The following USP54 variants were observed in gnomAD, a reference collection of about 807,000 sequenced individuals.
USP54 encodes the protein ubiquitin specific peptidase 54.
USP54 carries 87 observed loss-of-function variants against 170.5 expected under a neutral mutation model. That is an observed-to-expected ratio of 0.51 (90% confidence interval 0.43 to 0.61). The LOEUF is 0.61. Ranked by LOEUF, USP54 falls within the 20% of genes least tolerant of loss-of-function variation. USP54 has a pLI of 0.00. For synonymous variants in USP54, 655 were observed against 742.8 expected (o/e 0.88, Z 1.92); for missense variants, 1,786 against 2,047.8 (o/e 0.87, Z 2.47).
At chr10:73,612,143 A>G (rs1339804532) in intron 1 of USP54, among the ~76,000 whole-genome samples, 2 of 152,140 alleles carry the variant, frequency 1.3e-5, no homozygotes, top group Admixed American at 6.6e-5. Context: ...CAGAAAACCT[A>G]ATTTATCCTA....
intron 9 of USP54, among the ~76,000 whole-genome samples, chr10:73,539,873 T>C (rs7095604): frequency 0.98 from 149,533 of 152,260 alleles, 73,439 homozygotes; most frequent in East Asian, 1. Context: ...CGCCTGTAAT[T>C]CCTACACTTT....
intron 5 of USP54, 75 bp downstream of exon 5, chr10:73,545,463 T>C: frequency 6.4e-7 from 1 of 1,565,924 alleles, no homozygotes; most frequent in South Asian, 1.2e-5. Flanking sequence ...AATTCCACCA[T>C]AAAGTAGCCA....
At chr10:73,539,885 G>A (rs2066210401) in intron 9 of USP54, among the ~76,000 whole-genome samples, 1 of 152,058 alleles carries the variant, frequency 6.6e-6, no homozygotes, top group Non-Finnish European at 1.5e-5. Flanking sequence ...CTACACTTTG[G>A]GAGGGTGAGG....
intron 4 of USP54, among the ~76,000 whole-genome samples, chr10:73,558,967 T>G (rs991590662): frequency 2.6e-5 from 4 of 152,164 alleles, no homozygotes; most frequent in African/African-American, 9.6e-5. Flanking sequence ...GGTTTGTTTT[T>G]TCAAATTGTC....
intron 20 of USP54, among the ~76,000 whole-genome samples, chr10:73,515,651 C>T (rs2060939036): frequency 6.6e-6 from 1 of 152,168 alleles, no homozygotes. Context: ...AGCATATGGA[C>T]ATCCTACTGC....
intron 19 of USP54, chr10:73,518,849 G>A (rs1326408441): frequency 3.3e-5 from 5 of 151,000 alleles, no homozygotes; most frequent in Non-Finnish European, 5.9e-5. Flanking sequence ...AGCCTCCTAA[G>A]TAGCTGGGAC....
At chr10:73,510,414 G>T (rs914287907) in intron 20 of USP54, among the ~76,000 whole-genome samples, 2 of 151,662 alleles carry the variant, frequency 1.3e-5, no homozygotes, top group East Asian at 3.9e-4. Flanking sequence ...TATGGAAGCT[G>T]GTTATAAGTA....
upstream of USP54, among the ~76,000 whole-genome samples, chr10:73,593,974 T>C (rs1356745706): frequency 1.3e-5 from 2 of 152,172 alleles, no homozygotes; most frequent in African/African-American, 4.8e-5. Flanking sequence ...AAACCATCAT[T>C]GTCTTTTATT....
chr10:73,573,775 A>G (rs947521321), intron 3 of USP54, among the ~76,000 whole-genome samples: 1 of 152,196 alleles, frequency 6.6e-6, no homozygotes, highest in Non-Finnish European at 1.5e-5. Context: ...AAAAATAAAT[A>G]AATAAAAACT....
chr10:73,573,241 T>C (rs2075535820), intron 3 of USP54, among the ~76,000 whole-genome samples: 1 of 152,028 alleles, frequency 6.6e-6, no homozygotes, highest in Non-Finnish European at 1.5e-5. Flanking sequence ...CAGTGAGCTA[T>C]GATTACACCA....
chr10:73,561,124 A>G (rs1308545623), intron 4 of USP54, among the ~76,000 whole-genome samples: 9 of 151,096 alleles, frequency 6.0e-5, no homozygotes, highest in African/African-American at 1.5e-4. Flanking sequence ...AAAAAAAAAA[A>G]AAAAGAAATC....
intron 1 of USP54, among the ~76,000 whole-genome samples, chr10:73,579,326 G>A (rs1240630953): frequency 2.0e-5 from 3 of 152,152 alleles, no homozygotes; most frequent in Non-Finnish European, 4.4e-5. Flanking sequence ...TCATAAGAAT[G>A]TCTGCTCTTT....
chr10:73,564,712 C>T (rs2073878352), intron 4 of USP54, among the ~76,000 whole-genome samples: 1 of 152,088 alleles, frequency 6.6e-6, no homozygotes, highest in African/African-American at 2.4e-5. Flanking sequence ...AAATGACCTG[C>T]TGAGCATTTA....
In USP54 at chr10:73,498,726, T is replaced by C. The variant is rs1360688721; in HGVS notation, c.4958A>G (p.His1653Arg). Residue 1653 changes from histidine to arginine, a missense_variant, in exon 24 of 24, where the codon CAC becomes CGC. Coordinates refer to ENST00000687698, the MANE Select transcript of USP54 (RefSeq NM_001391956.1). ...AAACCCCTCTCCCACTGTTCTCCTG[T>C]GTCCAGAGTGGGAGGCATAACTGCT... ...RQSSYASHSG[H>R]RRTVGEGFLF... 1 of 1,613,442 alleles carries C rather than the reference T, an allele frequency of 6.2e-7. No individual in the cohort carries two copies.
chr10:73,574,515 A>C (rs1231679801), intron 3 of USP54, among the ~76,000 whole-genome samples: 1 of 152,100 alleles, frequency 6.6e-6, no homozygotes, highest in African/African-American at 2.4e-5. Flanking sequence ...CAGGCCAGAC[A>C]CCTGTAATCC....
chr10:73,604,632 C>T (rs1267587338), intron 1 of USP54, among the ~76,000 whole-genome samples: 3 of 150,096 alleles, frequency 2.0e-5, no homozygotes, highest in South Asian at 2.1e-4. Flanking sequence ...GCATTGTTGC[C>T]GAGGCTGGAG....
At chr10:73,580,485 T>C (rs1366378003) in intron 1 of USP54, among the ~76,000 whole-genome samples, 1 of 152,098 alleles carries the variant, frequency 6.6e-6, no homozygotes, top group African/African-American at 2.4e-5. Context: ...TTATGGGACT[T>C]ACCTTATTTT....
At chr10:73,624,087 C>A (rs2081285714) in intron 1 of USP54, among the ~76,000 whole-genome samples, 1 of 143,038 alleles carries the variant, frequency 7.0e-6, no homozygotes, top group South Asian at 2.2e-4. Context: ...AGGTTTTACT[C>A]TAACATATAT....
intron 12 of USP54, among the ~76,000 whole-genome samples, 168 bp downstream of exon 12, chr10:73,534,432 T>TC (rs746463968): frequency 2.0e-5 from 3 of 152,134 alleles, no homozygotes; most frequent in African/African-American, 7.2e-5. Flanking sequence ...CAGGATGGTC[T>TC]CCATCTCCTT....
Sources: allele counts gnomAD v4.1 joint callset (sites outside exome capture counted in the v4.1 genomes callset), GRCh38; gene constraint gnomAD v4.1.1; transcripts MANE v1.5; gene names NCBI Gene and HGNC (gene_info 2026-07-23, HGNC 2026-07-21).